The following CAMSAP1 variants were observed in gnomAD, a reference collection of about 807,000 sequenced individuals.
The protein encoded by CAMSAP1 is calmodulin regulated spectrin associated protein 1, also known as calmodulin-regulated spectrin-associated protein 1.
A neutral mutation model predicts 143.5 loss-of-function variants in CAMSAP1; 58 were observed. That is an observed-to-expected ratio of 0.40 (90% CI 0.33 to 0.50). CAMSAP1 has a LOEUF of 0.50. CAMSAP1 is among the 20% of genes least tolerant of loss of function. The pLI is 0.45. For missense variants in CAMSAP1, 1,969 were observed against 2,115.7 expected (o/e 0.93, Z 1.36); for synonymous variants, 945 against 859.3 (o/e 1.10, Z -1.74).
chr9:135,843,667 C>A (rs1336326575), intron 7 of CAMSAP1, among the ~76,000 whole-genome samples: 1 of 151,734 alleles, frequency 6.6e-6, no homozygotes, highest in Non-Finnish European at 1.5e-5. Context: ...GTCAGGAGAT[C>A]GAGACCATCC....
At chr9:135,898,062 A>G (rs1234610609) in intron 1 of CAMSAP1, among the ~76,000 whole-genome samples, 1 of 152,224 alleles carries the variant, frequency 6.6e-6, no homozygotes, top group Non-Finnish European at 1.5e-5. Context: ...ACATCAGAAA[A>G]GAGGAAAGGT....
chr9:135,836,821 A>T (rs1393075086), intron 7 of CAMSAP1: 2 of 982,856 alleles, frequency 2.0e-6, no homozygotes, highest in Non-Finnish European at 2.4e-6. Context: ...TTCTACAGAC[A>T]TGTCACCACA....
intron 1 of CAMSAP1, among the ~76,000 whole-genome samples, 179 bp from the exon 2 acceptor site, chr9:135,883,257 G>A (rs972009432): frequency 6.6e-6 from 1 of 152,182 alleles, no homozygotes; most frequent in African/African-American, 2.4e-5. Context: ...ACGTGAAAAG[G>A]CTCTAGGCTT....
chr9:135,812,495 C>G (rs2131633090), intron 16 of CAMSAP1, among the ~76,000 whole-genome samples: 1 of 152,260 alleles, frequency 6.6e-6, no homozygotes. Flanking sequence ...CCGCCAAGAG[C>G]TTGGGCGCGG....
chr9:135,847,506 G>A (rs1373324510), intron 7 of CAMSAP1, among the ~76,000 whole-genome samples: 1 of 151,744 alleles, frequency 6.6e-6, no homozygotes, highest in Non-Finnish European at 1.5e-5. Context: ...TATACACCAT[G>A]GAATACTATG....
At chr9:135,888,902 C>A (rs1459063932) in intron 1 of CAMSAP1, among the ~76,000 whole-genome samples, 1 of 152,184 alleles carries the variant, frequency 6.6e-6, no homozygotes, top group Non-Finnish European at 1.5e-5. Flanking sequence ...CAGCGGAGCG[C>A]CAGGTGCACA....
At chr9:135,902,543 G>T (rs954750322) in intron 1 of CAMSAP1, among the ~76,000 whole-genome samples, 1 of 152,194 alleles carries the variant, frequency 6.6e-6, no homozygotes, top group African/African-American at 2.4e-5. Flanking sequence ...TCACTACAAG[G>T]AAACAATATG....
Position 135,881,738 on chromosome 9 carries a change from G to T in CAMSAP1, c.480C>A (p.Ile160=). 6.4e-7 allele frequency: 1 copy of T among 1,551,846 alleles called. No individual in the cohort carries two copies. ...CACTGGCCACCACCTTCTCGATGCT[G>T]ATCATCTCCACAGTGTAGGCCATCA... ...ALMMAYTVEM[I]SIEKVVASVK... is the part of the protein sequence containing the mutation. Residue 160 remains isoleucine (I), a synonymous_variant, in exon 3 of 17, where the codon ATC becomes ATA. Transcript: ENST00000389532.
chr9:135,849,913 T>TA (rs1836712974), intron 7 of CAMSAP1: 1 of 425,358 alleles, frequency 2.4e-6, no homozygotes, highest in Admixed American at 4.0e-5. Flanking sequence ...CTGGAACTTT[T>TA]AGAGTTGTGC....
chr9:135,875,725 AT>A (rs1367991523), intron 3 of CAMSAP1, among the ~76,000 whole-genome samples: 1 of 152,216 alleles, frequency 6.6e-6, no homozygotes, highest in Non-Finnish European at 1.5e-5. Flanking sequence ...CAGAACTGCT[AT>A]CTATATGAAG....
rs747122828 is a variant in CAMSAP1, at chr9:135,821,128, C to T, written c.3533G>A (p.Arg1178Gln). The T allele has an allele frequency of 6.8e-6, 11 of 1,613,190 alleles. No homozygotes were observed. The highest frequency in any genetic ancestry group is 4.5e-5 in the East Asian group (2 of 44,902). The change falls in exon 11 of 17, where the codon CGG (arginine) becomes CAG (glutamine). Residue 1178 changes from arginine (R) to glutamine (Q), a missense_variant. Arg to Gln is a conservative substitution (Grantham distance 43). Around this residue, in one of 4 missense-constraint regions of CAMSAP1, gnomAD observed 1,390 missense variants for 1,420.8 expected, o/e 0.98. Transcript: ENST00000389532. The surrounding 1 kb of genome is among the most constrained non-coding windows in gnomAD (Gnocchi z 4.6). ...TTTGGAAGAGGACAGAGTAAGTGTC[C>T]GCTGATTGCTTTCATCATGGAGCCT... ...SYRLHDESNQRTLTLSSSKDA... is the reference protein window; with the variant it reads ...SYRLHDESNQQTLTLSSSKDA...
intron 3 of CAMSAP1, among the ~76,000 whole-genome samples, chr9:135,871,685 T>C (rs1359035232): frequency 3.3e-5 from 5 of 152,010 alleles, no homozygotes; most frequent in African/African-American, 1.2e-4. Context: ...TCCCAGCACA[T>C]TGGGAGACCA....
intron 7 of CAMSAP1, among the ~76,000 whole-genome samples, chr9:135,843,996 A>C (rs1257076643): frequency 2.0e-5 from 3 of 152,214 alleles, no homozygotes; most frequent in African/African-American, 7.2e-5. Flanking sequence ...ACACTGCCAC[A>C]CAATAATAGT....
At chr9:135,881,270 T>C (rs539578882) in intron 3 of CAMSAP1, among the ~76,000 whole-genome samples, 1 of 151,606 alleles carries the variant, frequency 6.6e-6, no homozygotes, top group South Asian at 2.1e-4. Context: ...GGCAGGAGGA[T>C]CACTTGGAGC....
intron 5 of CAMSAP1, among the ~76,000 whole-genome samples, chr9:135,856,135 T>C (rs1836961166): frequency 6.6e-6 from 1 of 152,198 alleles, no homozygotes; most frequent in Non-Finnish European, 1.5e-5. Flanking sequence ...TCTCTGCCTA[T>C]ATTAGTCCAT....
intron 3 of CAMSAP1, among the ~76,000 whole-genome samples, chr9:135,880,116 G>A (rs1422799816): frequency 6.6e-6 from 1 of 151,934 alleles, no homozygotes; most frequent in East Asian, 1.9e-4. Context: ...CTAATACGAG[G>A]AAAAATCAAT....
chr9:135,843,115 G>T (rs1362944012), intron 7 of CAMSAP1, among the ~76,000 whole-genome samples: 2 of 152,192 alleles, frequency 1.3e-5, no homozygotes, highest in Admixed American at 6.5e-5. Flanking sequence ...ATTACCTGAG[G>T]TCGGGAGTTC....
intron 16 of CAMSAP1, among the ~76,000 whole-genome samples, chr9:135,813,799 G>A (rs1017241974): frequency 6.6e-6 from 1 of 152,244 alleles, no homozygotes; most frequent in Admixed American, 6.5e-5. Context: ...GCACACTGCT[G>A]CACACTGGGC....
At chr9:135,853,782 G>T (rs897240834) in intron 5 of CAMSAP1, among the ~76,000 whole-genome samples, 5 of 152,298 alleles carry the variant, frequency 3.3e-5, no homozygotes, top group Admixed American at 2.6e-4. Flanking sequence ...CGCTCCGTCA[G>T]GACACAAAGG....
Sources: allele counts gnomAD v4.1 joint callset (sites outside exome capture counted in the v4.1 genomes callset), GRCh38; gene constraint gnomAD v4.1.1; regional missense constraint gnomAD v4.1.1; non-coding constraint Gnocchi (gnomAD v3.1); transcripts MANE v1.5; gene names NCBI Gene and HGNC (gene_info 2026-07-23, HGNC 2026-07-21).